TMEM131: variants seen among roughly 807,000 people sequenced by gnomAD.
TMEM131 encodes transmembrane protein 131.
Under a neutral mutation model 211.6 loss-of-function variants are expected in TMEM131, and 66 were observed. That is an observed-to-expected ratio of 0.31 (90% CI 0.26 to 0.38). TMEM131 has a LOEUF of 0.38. Among genes scored for constraint, TMEM131 ranks in the 10% least tolerant of loss-of-function variants. The pLI is 1.00. For synonymous variants in TMEM131, 844 were observed against 841.3 expected, an observed-to-expected ratio of 1.00 and a Z score of -0.06; for missense variants, 2,036 against 2,299.3, an observed-to-expected ratio of 0.89 and a Z score of 2.34.
At chr2:97,766,322 T>G (rs1184217933) in intron 34 of TMEM131, 59 bp from the exon 35 acceptor site, 1 of 1,609,064 alleles carries the variant, frequency 6.2e-7, no homozygotes. Context: ...CTTTCAGGTC[T>G]ATTTCAATGA....
intron 1 of TMEM131, among the ~76,000 whole-genome samples, chr2:97,959,646 G>A (rs943964938): frequency 2.6e-5 from 4 of 151,968 alleles, no homozygotes. Context: ...AATACTTTCA[G>A]CACAGATCCC....
intron 2 of TMEM131, among the ~76,000 whole-genome samples, chr2:97,926,066 C>G (rs964562982): frequency 3.3e-5 from 5 of 150,868 alleles, no homozygotes; most frequent in African/African-American, 7.3e-5. Flanking sequence ...GAGCCGAGAT[C>G]GCGCCACTGC....
chr2:97,831,664 C>CTTTTTTTTTT (rs11378393), intron 11 of TMEM131, among the ~76,000 whole-genome samples: 6 of 80,630 alleles, frequency 7.4e-5, no homozygotes, highest in Non-Finnish European at 1.1e-4. Flanking sequence ...TCACATACCT[C>CTTTTTTTTTT]TTTTTTTTTT....
At chr2:97,857,944 A>G (rs1441576656) in intron 5 of TMEM131, among the ~76,000 whole-genome samples, 1 of 152,236 alleles carries the variant, frequency 6.6e-6, no homozygotes, top group Non-Finnish European at 1.5e-5. Flanking sequence ...TATTTTAAGA[A>G]ATAATTTAGA....
At chr2:97,915,007 G>A (rs572331402) in intron 2 of TMEM131, among the ~76,000 whole-genome samples, 23 of 152,286 alleles carry the variant, frequency 1.5e-4, no homozygotes, top group African/African-American at 1.2e-4. Flanking sequence ...TAATGCATGC[G>A]TGATCCAGTT....
At chr2:97,980,901 C>A (rs775709140) in intron 1 of TMEM131, among the ~76,000 whole-genome samples, 1 of 151,668 alleles carries the variant, frequency 6.6e-6, no homozygotes, top group African/African-American at 2.4e-5. Flanking sequence ...CAGTGGTTGA[C>A]AAGAGTCAGA....
At chr2:97,893,619 GATTTGC>G (rs1477015074) in intron 3 of TMEM131, among the ~76,000 whole-genome samples, 1 of 152,154 alleles carries the variant, frequency 6.6e-6, no homozygotes, top group Non-Finnish European at 1.5e-5. Flanking sequence ...CTGTAGTTTT[GATTTGC>G]ATTTCTCTAA....
chr2:97,814,159 A>AG lies in TMEM131; in HGVS notation c.1447-19dup, dbSNP rs1559376284. On this transcript the variant is annotated intron_variant, in intron 14 of 40. Transcript: ENST00000186436. ...TTGTGAACCTGAGAAATGACAGAAG[A>AG]GAAAAAAAACAAAGTGTCAGCATCA... 4.3e-6 allele frequency: 7 copies of AG among 1,612,252 alleles called. No homozygotes were observed. Among genetic ancestry groups the AG allele is most frequent in the Non-Finnish European group, 5.9e-6 (7 of 1,178,996 alleles).
chr2:97,813,063 G>T (rs1423359438), intron 15 of TMEM131, among the ~76,000 whole-genome samples: 1 of 151,944 alleles, frequency 6.6e-6, no homozygotes, highest in Non-Finnish European at 1.5e-5. Flanking sequence ...ACATTTATAC[G>T]ACATAGTTGA....
In TMEM131 at chr2:97,833,351, A is replaced by G. The variant is rs779278678; in HGVS notation, c.1074+14T>C. On this transcript the variant is annotated intron_variant, in intron 11 of 40. Coordinates refer to ENST00000186436, the MANE Select transcript of TMEM131 (RefSeq NM_015348.2). ...GAATATATAAATTAGGGGAAAAAAG[A>G]AGTAAAAACTTACTGTTATTGGTAC... is the stretch of plus-strand genomic sequence containing the variant. 1.7e-6 allele frequency: 2 copies of G among 1,152,594 alleles called. No homozygotes were observed. The highest frequency in any genetic ancestry group is 2.4e-5 in the Admixed American group (1 of 41,952). The allele number at this position is 1,152,594 out of a possible 1,614,324, so 71.4% of individuals were successfully genotyped here.
intron 31 of TMEM131, among the ~76,000 whole-genome samples, chr2:97,788,065 A>C (rs1422719865): frequency 6.6e-6 from 1 of 151,916 alleles, no homozygotes; most frequent in African/African-American, 2.4e-5. Context: ...ACAGCACCCC[A>C]CCGCTCTCCT....
At chr2:97,885,267 C>T (rs541148885) in intron 4 of TMEM131, among the ~76,000 whole-genome samples, 5 of 133,212 alleles carry the variant, frequency 3.8e-5, no homozygotes, top group East Asian at 3.9e-4. Flanking sequence ...GCGCGATCTC[C>T]GCTCACTGCA....
intron 1 of TMEM131, among the ~76,000 whole-genome samples, chr2:97,961,530 T>G (rs1367579971): frequency 6.6e-6 from 1 of 152,214 alleles, no homozygotes; most frequent in Non-Finnish European, 1.5e-5. Flanking sequence ...AATCTCAGGT[T>G]GTTGTTGTTT....
intron 1 of TMEM131, among the ~76,000 whole-genome samples, chr2:97,989,049 C>A (rs888304758): frequency 6.6e-6 from 1 of 151,954 alleles, no homozygotes; most frequent in African/African-American, 2.4e-5. Flanking sequence ...TGTGGTATAT[C>A]CATACAATGG....
chr2:97,815,771 A>G (rs984993059), intron 12 of TMEM131, among the ~76,000 whole-genome samples: 1 of 152,186 alleles, frequency 6.6e-6, no homozygotes, highest in Non-Finnish European at 1.5e-5. Context: ...GCCTCTCTGC[A>G]TTGCCAGATA....
chr2:97,804,514 T>C (rs991763855), intron 22 of TMEM131, among the ~76,000 whole-genome samples: 1 of 150,748 alleles, frequency 6.6e-6, no homozygotes, highest in African/African-American at 2.4e-5. Context: ...AATACAAAAA[T>C]TAGCCAAGCA....
At chr2:97,795,755 T>C (rs1680731282) in intron 28 of TMEM131, among the ~76,000 whole-genome samples, 1 of 152,220 alleles carries the variant, frequency 6.6e-6, no homozygotes, top group Non-Finnish European at 1.5e-5. Flanking sequence ...ATCAATTAAT[T>C]GTTAAAATAT....
intron 5 of TMEM131, among the ~76,000 whole-genome samples, chr2:97,859,034 T>G (rs1169936007): frequency 1.3e-5 from 2 of 152,200 alleles, no homozygotes. Flanking sequence ...AATTACCTAT[T>G]ATTAGGAAGG....
At chr2:97,962,035 A>T (rs986478247) in intron 1 of TMEM131, among the ~76,000 whole-genome samples, 1 of 152,226 alleles carries the variant, frequency 6.6e-6, no homozygotes, top group African/African-American at 2.4e-5. Context: ...AGACCTAAAT[A>T]AACAGCTAAA....
Sources: gnomAD v4.1 joint callset for allele counts (sites outside exome capture counted in the v4.1 genomes callset) on GRCh38, gnomAD v4.1.1 for gene constraint, MANE v1.5 for transcripts, NCBI Gene and HGNC (gene_info 2026-07-23, HGNC 2026-07-21) for gene names.